Variants in NSMF observed in about 807,000 individuals in gnomAD.
The protein encoded by NSMF is nasal embryonic LHRH factor.
Under a neutral mutation model 71.0 loss-of-function variants are expected in NSMF, and 31 were observed. The ratio of observed to expected loss-of-function variants is 0.44; its 90% confidence interval spans 0.33 to 0.59. The LOEUF is 0.59. NSMF is among the 20% of genes least tolerant of loss of function. The probability of loss-of-function intolerance (pLI) is 0.04; values close to 1 mark genes in which losing one functional copy is unlikely to be tolerated. For synonymous variants in NSMF, 345 were observed against 287.1 expected (o/e 1.20, Z -2.04); for missense variants, 673 against 740.5 (o/e 0.91, Z 1.06).
chr9:137,457,655 C>T lies in NSMF; in HGVS notation c.380G>A (p.Arg127Gln), dbSNP rs895804686. ...EAIELAVVKG[R>Q]RQRHPHHHSQ... ...GTGATGGTGAGGGTGCCGCTGCCGC[C>T]GCCCCTTCACCACCGCCAGCTCAAT... Residue 127 changes from arginine (R) to glutamine (Q), a missense_variant, in exon 3 of 16, where the codon CGG (arginine) becomes CAG (glutamine). Around this residue, in one of 2 missense-constraint regions of NSMF, gnomAD observed 471 missense variants for 459.6 expected, o/e 1.02. Coordinates refer to ENST00000371475, the MANE Select transcript of NSMF (RefSeq NM_001130969.3). 87 of 1,549,562 alleles carry T rather than the reference C, an allele frequency of 5.6e-5. No homozygotes were observed. Among genetic ancestry groups the T allele is most frequent in the East Asian group, 9.8e-5 (4 of 40,916 alleles).
intron 4 of NSMF, among the ~76,000 whole-genome samples, chr9:137,455,895 G>A (rs995133348): frequency 2.0e-5 from 3 of 152,264 alleles, no homozygotes; most frequent in African/African-American, 7.2e-5. Flanking sequence ...TGGGTGTGGG[G>A]TGGACTCCCC....
At position 137,453,324 on chromosome 9, in the gene NSMF, CCCG is replaced by C. The variant is rs1830641067; in HGVS notation, c.923-147_923-145del. 3.3e-5 allele frequency: 39 copies of C among 1,167,220 alleles called. No homozygotes were observed. Among genetic ancestry groups the C allele is most frequent in the Non-Finnish European group, 2.3e-5 (19 of 819,892 alleles). 72.3% of individuals were successfully genotyped at this position (1,167,220 alleles called of 1,614,324 possible). On this transcript the variant is annotated intron_variant, in intron 8 of 15. Transcript: ENST00000371475. The surrounding 1 kb of genome is among the most constrained non-coding windows in gnomAD (Gnocchi z 4.5). Reference sequence around the variant, plus strand: ...AGGACCATACAGAGGTCGCCGCCAGCCCGGCAGGACAGGCCTGTGGACACCACT... The same window carrying C: ...AGGACCATACAGAGGTCGCCGCCAGCGCAGGACAGGCCTGTGGACACCACT...
In NSMF at chr9:137,456,445, A is replaced by G. The variant is rs1459516772; in HGVS notation, c.670T>C (p.Phe224Leu). ...GTTGTGGTTGCTGTCTGGAAGCTGA[A>G]AAGATTTTCCTTGGGGAACCAGGTA... ...IRTWFPKENL[F>L]SFQTATTTMQ... Residue 224 changes from phenylalanine to leucine, a missense_variant, in exon 4 of 16, where the codon TTC becomes CTC. This residue lies in a region of NSMF where 471 missense variants were observed against 459.6 expected (regional missense o/e 1.02). Transcript: ENST00000371475. 3 of 1,613,448 alleles carry G rather than the reference A, an allele frequency of 1.9e-6. No homozygotes were observed. The highest frequency in any genetic ancestry group is 2.5e-6 in the Non-Finnish European group (3 of 1,179,872).
At chr9:137,458,654 T>C (rs1830996886) in intron 1 of NSMF, 105 bp from the exon 2 acceptor site, 27 of 1,137,170 alleles carry the variant, frequency 2.4e-5, no homozygotes, top group Non-Finnish European at 3.3e-5. Flanking sequence ...CCTCGGCGTC[T>C]GGAAGGAGGG....
At chr9:137,458,023 C>T (rs1830935655) in intron 2 of NSMF, 122 bp from the exon 3 acceptor site, 2 of 1,378,454 alleles carry the variant, frequency 1.5e-6, no homozygotes, top group Non-Finnish European at 2.0e-6. Flanking sequence ...CTAGGGCTGC[C>T]CAAACCCTAG....
intron 13 of NSMF, 46 bp from the exon 14 acceptor site, chr9:137,450,071 C>A: frequency 6.3e-7 from 1 of 1,588,816 alleles, no homozygotes; most frequent in Non-Finnish European, 8.6e-7. Flanking sequence ...ACAGGCACCC[C>A]ACTCCACAGA....
At chr9:137,458,047 T>A in intron 2 of NSMF, 146 bp from the exon 3 acceptor site, 1 of 1,166,826 alleles carries the variant, frequency 8.6e-7, no homozygotes. Flanking sequence ...CTGGCGTGTT[T>A]CTGAGCCCCT....
rs971748019 is a variant in NSMF, at chr9:137,454,513, C to G, written c.780-70G>C. 3.9e-6 allele frequency: 6 copies of G among 1,549,300 alleles called. No homozygotes were observed. In the East Asian group the frequency reaches 9.8e-5, roughly 25 times the overall value. On this transcript the variant is annotated intron_variant, in intron 6 of 15. Coordinates refer to ENST00000371475, the MANE Select transcript of NSMF (RefSeq NM_001130969.3). The stretch of plus-strand genomic sequence containing the variant: ...CGGCAGCCCCTGCCCACCTAGCCCC[C>G]GTCGGGTCATGGCTCTACTCTCACC...
chr9:137,455,719 C>T, intron 4 of NSMF, 85 bp from the exon 5 acceptor site: 3 of 1,428,160 alleles, frequency 2.1e-6, no homozygotes, highest in Non-Finnish European at 1.9e-6. Context: ...CCACCCGGTC[C>T]CTACAGTTCC....
chr9:137,450,935 C>T (rs1198830702), intron 12 of NSMF, among the ~76,000 whole-genome samples: 3 of 23,432 alleles, frequency 1.3e-4, no homozygotes, highest in Non-Finnish European at 2.7e-4. Flanking sequence ...CCTCCACACG[C>T]CTCTTCCCCT....
intron 10 of NSMF, 59 bp downstream of exon 10, chr9:137,452,677 G>C: frequency 6.2e-7 from 1 of 1,601,816 alleles, no homozygotes; most frequent in Non-Finnish European, 8.5e-7. Flanking sequence ...TGCCGGCGCT[G>C]GCCCAGGGTG....
Position 137,453,525 on chromosome 9 carries a change from C to T in NSMF, c.922+206G>A. 1 of 604,500 alleles carries T rather than the reference C, an allele frequency of 1.7e-6. No homozygotes were observed. Among genetic ancestry groups the T allele is most frequent in the Non-Finnish European group, 2.9e-6 (1 of 343,980 alleles). 37.4% of individuals were successfully genotyped at this position (604,500 alleles called of 1,614,324 possible). On this transcript the variant is annotated intron_variant, in intron 8 of 15. Coordinates refer to ENST00000371475, the MANE Select transcript of NSMF (RefSeq NM_001130969.3). The surrounding 1 kb of genome is among the most constrained non-coding windows in gnomAD (Gnocchi z 4.5). ...GTGGCGGTGGGCACGGCCCTACAGG[C>T]GCCCCCGGCCAGCACTGCCGCGGCC...
Position 137,457,660 on chromosome 9 carries a change from CT to C in NSMF, c.374del (p.Lys125ArgfsTer133). 1 of 1,550,126 alleles carries C rather than the reference CT, an allele frequency of 6.5e-7. No individual in the cohort carries two copies. On this transcript the variant is annotated frameshift_variant, in exon 3 of 16. Coordinates refer to ENST00000371475, the MANE Select transcript of NSMF (RefSeq NM_001130969.3). LOFTEE classifies it high-confidence loss of function. ...EAEAIELAVV[K>X]GRRQRHPHHH... The stretch of plus-strand genomic sequence containing the variant: ...GGTGAGGGTGCCGCTGCCGCCGCCC[CT>C]TCACCACCGCCAGCTCAATGGCCTC...
In NSMF at chr9:137,457,630, GTGA is replaced by G; in HGVS notation, c.402_404del (p.His135del). 1 of 1,550,204 alleles carries G rather than the reference GTGA, an allele frequency of 6.5e-7. No homozygotes were observed. The highest frequency in any genetic ancestry group is 8.7e-7 in the Non-Finnish European group (1 of 1,146,770). ...CAGGGCTGGCGCGCAGGGGCTGGCT[GTGA>G]TGGTGAGGGTGCCGCTGCCGCCGCC... On this transcript the variant is annotated inframe_deletion, in exon 3 of 16. Transcript: ENST00000371475.
chr9:137,453,095 C>T lies in NSMF; in HGVS notation c.1008G>A (p.Val336=). Reference sequence around the variant, plus strand: ...GCACGAAGCCTTCGGTGTCGCAGGCCACAGCCTCCAGGCCCTTCTCAGTGT... The same window carrying T: ...GCACGAAGCCTTCGGTGTCGCAGGCTACAGCCTCCAGGCCCTTCTCAGTGT... ...DWDTEKGLEA[V]ACDTEGFVPP... Residue 336 remains valine (V), a synonymous_variant, in exon 9 of 16, where the codon GTG becomes GTA. Coordinates refer to ENST00000371475, the MANE Select transcript of NSMF (RefSeq NM_001130969.3). The surrounding 1 kb of genome is among the most constrained non-coding windows in gnomAD (Gnocchi z 4.5). 1.2e-6 allele frequency: 2 copies of T among 1,612,668 alleles called. No individual in the cohort carries two copies. Among genetic ancestry groups the T allele is most frequent in the South Asian group, 2.2e-5 (2 of 91,088 alleles).
Position 137,449,629 on chromosome 9 carries a change from A to G in NSMF, c.1465T>C (p.Phe489Leu). The G allele has an allele frequency of 3.1e-6, 5 of 1,612,702 alleles. No homozygotes were observed. Among genetic ancestry groups the G allele is most frequent in the Non-Finnish European group, 4.2e-6 (5 of 1,179,798 alleles). ...GCTGAGAGCTCCAGGGGTGACTCGA[A>G]GGTGACCCTATAAGGAGTCATGAGG... ...RTLMTPYRVT[F>L]ESPLELSAQG... The change falls in exon 15 of 16, where the codon TTC becomes CTC. Residue 489 changes from phenylalanine (F) to leucine (L), a missense_variant. Physicochemically the swap from Phe to Leu is conservative, Grantham distance 22. Around this residue, in one of 2 missense-constraint regions of NSMF, gnomAD observed 202 missense variants for 280.8 expected, o/e 0.72. Coordinates refer to ENST00000371475, the MANE Select transcript of NSMF (RefSeq NM_001130969.3).
rs1839757774 is a variant in NSMF, at chr9:137,449,018, A to G, written c.*376T>C. 1 of 376,634 alleles carries G rather than the reference A, an allele frequency of 2.7e-6. No homozygotes were observed. The highest frequency in any genetic ancestry group is 5.1e-6 in the Non-Finnish European group (1 of 196,222). 23.3% of individuals were successfully genotyped at this position (376,634 alleles called of 1,614,324 possible). On this transcript the variant is annotated 3_prime_UTR_variant, in exon 16 of 16. Transcript: ENST00000371475. Reference sequence around the variant, plus strand: ...CACTGTAACTAGCAGCATAGTGCTTAACTAGTTAACAAGAAATGCTGCTTC... The same window carrying G: ...CACTGTAACTAGCAGCATAGTGCTTGACTAGTTAACAAGAAATGCTGCTTC...
At chr9:137,452,236 C>T in intron 12 of NSMF, 129 bp downstream of exon 12, 1 of 710,620 alleles carries the variant, frequency 1.4e-6, no homozygotes, top group South Asian at 1.5e-5. Flanking sequence ...CCCACAAACA[C>T]CTCTTCCCCT....
chr9:137,456,613 G>A, intron 3 of NSMF, 127 bp from the exon 4 acceptor site: 1 of 737,920 alleles, frequency 1.4e-6, no homozygotes, highest in Admixed American at 1.8e-5. Flanking sequence ...GGCGGGTGGG[G>A]GGAGGGTGGC....
Sources: gnomAD v4.1 joint callset for allele counts (sites outside exome capture counted in the v4.1 genomes callset) on GRCh38, gnomAD v4.1.1 for gene constraint, gnomAD v4.1.1 regional missense constraint, Gnocchi (gnomAD v3.1) non-coding constraint, MANE v1.5 for transcripts, NCBI Gene and HGNC (gene_info 2026-07-23, HGNC 2026-07-21) for gene names.